KCNIP1: variants seen among roughly 807,000 people sequenced by gnomAD.
KCNIP1 encodes the protein A-type potassium channel modulatory protein KCNIP1.
In KCNIP1, 18 loss-of-function variants were observed where a neutral mutation model predicts 33.0. That is an observed-to-expected ratio of 0.55 (90% CI 0.38 to 0.81). KCNIP1 has a LOEUF of 0.81. KCNIP1 is among the 30% of genes least tolerant of loss of function. The pLI is 0.00. For synonymous variants in KCNIP1, 93 were observed against 98.3 expected, an observed-to-expected ratio of 0.95 and a Z score of 0.32; for missense variants, 238 against 271.6, an observed-to-expected ratio of 0.88 and a Z score of 0.87.
rs532371782 is a variant in KCNIP1, at chr5:170,727,531, C to T, written c.435+4711C>T. On this transcript the variant is annotated intron_variant, in intron 5 of 7. Coordinates refer to ENST00000328939, the MANE Select transcript of KCNIP1 (RefSeq NM_014592.4). ...GGAAGTGCCTAACCAATAGAAGACA[C>T]TCAAAAAATGTGTTGAAGGAAAAAA... Among the ~76,000 whole-genome samples the T allele has an allele frequency of 1.2e-3, 179 of 152,142 alleles. 1 individual carries two copies. Among genetic ancestry groups the T allele is most frequent in the Non-Finnish European group, 2.0e-3 (134 of 68,008 alleles).
intron 1 of KCNIP1, among the ~76,000 whole-genome samples, chr5:170,436,237 T>C (rs1755860518): frequency 6.6e-6 from 1 of 152,230 alleles, no homozygotes; most frequent in Admixed American, 6.5e-5. Context: ...GGAGAGCCAT[T>C]ATGCAAATTC....
intron 1 of KCNIP1, among the ~76,000 whole-genome samples, chr5:170,511,965 G>A (rs1034544210): frequency 1.2e-4 from 18 of 152,290 alleles, no homozygotes; most frequent in Non-Finnish European, 2.4e-4. Flanking sequence ...TTAGCCACAC[G>A]GAACAACTGA....
chr5:170,383,866 A>G (rs943401105), intron 1 of KCNIP1: 1 of 1,612,884 alleles, frequency 6.2e-7, no homozygotes, highest in South Asian at 1.1e-5. Context: ...GAGACCACAC[A>G]CATGCACACA....
At chr5:170,582,174 A>C (rs1038007739) in intron 1 of KCNIP1, among the ~76,000 whole-genome samples, 1 of 152,162 alleles carries the variant, frequency 6.6e-6, no homozygotes, top group African/African-American at 2.4e-5. Flanking sequence ...TATAGCACCC[A>C]CCTAACGAAT....
chr5:170,468,520 A>G (rs2113127231), intron 1 of KCNIP1, among the ~76,000 whole-genome samples: 1 of 152,306 alleles, frequency 6.6e-6, no homozygotes, highest in Admixed American at 6.5e-5. Flanking sequence ...GAAACCTTTC[A>G]TCAATATTTT....
intron 1 of KCNIP1, among the ~76,000 whole-genome samples, chr5:170,661,243 G>A (rs755737853): frequency 4.6e-5 from 7 of 152,190 alleles, no homozygotes; most frequent in African/African-American, 7.2e-5. Context: ...AGCACATGGG[G>A]GGGCCCACAC....
intron 1 of KCNIP1, among the ~76,000 whole-genome samples, chr5:170,524,842 C>T (rs1246068475): frequency 6.6e-6 from 1 of 152,168 alleles, no homozygotes; most frequent in Admixed American, 6.5e-5. Flanking sequence ...ATGGAGCAGA[C>T]AGCTCCCTCT....
At chr5:170,686,860 C>T (rs1445996987) in intron 1 of KCNIP1, among the ~76,000 whole-genome samples, 1 of 152,186 alleles carries the variant, frequency 6.6e-6, no homozygotes, top group Non-Finnish European at 1.5e-5. Context: ...TCCCTCAAGG[C>T]AATATCCAAG....
intron 1 of KCNIP1, among the ~76,000 whole-genome samples, chr5:170,683,994 C>T (rs1483904953): frequency 6.6e-6 from 1 of 151,732 alleles, no homozygotes; most frequent in East Asian, 2.0e-4. Flanking sequence ...AGAGCTCAGG[C>T]GATCCACCTG....
intron 1 of KCNIP1, among the ~76,000 whole-genome samples, chr5:170,357,392 C>G (rs1336904631): frequency 6.6e-6 from 1 of 152,242 alleles, no homozygotes; most frequent in Non-Finnish European, 1.5e-5. Flanking sequence ...AGCGGATACT[C>G]TCATGGTTGA....
intron 1 of KCNIP1, chr5:170,385,585 T>C (rs1764436424): frequency 3.0e-6 from 3 of 1,006,230 alleles, no homozygotes; most frequent in Non-Finnish European, 4.4e-6. Context: ...CTCTTGTTTA[T>C]ATTTGGAGCT....
At chr5:170,700,153 C>A (rs1763044396) in intron 1 of KCNIP1, among the ~76,000 whole-genome samples, 1 of 151,992 alleles carries the variant, frequency 6.6e-6, no homozygotes, top group African/African-American at 2.4e-5. Flanking sequence ...CTCCTGTGGG[C>A]TCCTTGTAGA....
chr5:170,450,435 TCA>T (rs1451238973), intron 1 of KCNIP1, among the ~76,000 whole-genome samples: 1 of 152,162 alleles, frequency 6.6e-6, no homozygotes, highest in East Asian at 1.9e-4. Flanking sequence ...TCTTCCTTTC[TCA>T]CAGTCACTCT....
chr5:170,449,609 G>C (rs973652002), intron 1 of KCNIP1, among the ~76,000 whole-genome samples: 6 of 152,180 alleles, frequency 3.9e-5, no homozygotes, highest in Non-Finnish European at 5.9e-5. Context: ...AAAATTAGAA[G>C]CACCTACTCC....
chr5:170,714,159 G>A (rs1763559071), intron 1 of KCNIP1, among the ~76,000 whole-genome samples: 1 of 152,192 alleles, frequency 6.6e-6, no homozygotes, highest in South Asian at 2.1e-4. Context: ...CACCTCACTG[G>A]CGAGAAGACC....
intron 1 of KCNIP1, among the ~76,000 whole-genome samples, chr5:170,546,927 G>A (rs1348116746): frequency 3.3e-5 from 5 of 152,040 alleles, no homozygotes; most frequent in African/African-American, 1.2e-4. Context: ...TTCTGACTAA[G>A]CCACATCTTT....
At chr5:170,655,934 A>G (rs1761247062) in intron 1 of KCNIP1, among the ~76,000 whole-genome samples, 1 of 152,216 alleles carries the variant, frequency 6.6e-6, no homozygotes, top group Non-Finnish European at 1.5e-5. Context: ...GCTTTCCAAC[A>G]GCCCTGGAAA....
chr5:170,448,660 T>C (rs955494563), intron 1 of KCNIP1, among the ~76,000 whole-genome samples: 1 of 152,244 alleles, frequency 6.6e-6, no homozygotes, highest in Non-Finnish European at 1.5e-5. Flanking sequence ...TGAAAAGGCA[T>C]TGCAAACAAA....
At chr5:170,467,437 T>G (rs2113124021) in intron 1 of KCNIP1, among the ~76,000 whole-genome samples, 1 of 152,030 alleles carries the variant, frequency 6.6e-6, no homozygotes, top group South Asian at 2.1e-4. Context: ...AAAACAAAGG[T>G]GGTTTTGGCC....
Sources: gnomAD v4.1 joint callset for allele counts (sites outside exome capture counted in the v4.1 genomes callset) on GRCh38, gnomAD v4.1.1 for gene constraint, MANE v1.5 for transcripts, NCBI Gene and HGNC (gene_info 2026-07-23, HGNC 2026-07-21) for gene names.